The following EIF4G2 variants were observed in gnomAD, a reference collection of about 807,000 sequenced individuals.
EIF4G2 encodes the protein DAP-5.
EIF4G2 carries 8 observed loss-of-function variants against 117.7 expected under a neutral mutation model. The ratio of observed to expected loss-of-function variants is 0.07; its 90% CI spans 0.04 to 0.12. The LOEUF is 0.12. EIF4G2 is among the 10% of genes least tolerant of loss of function. The pLI, the probability that EIF4G2 is intolerant of heterozygous loss-of-function variation, is 1.00. For synonymous variants in EIF4G2, 413 were observed against 367.8 expected (o/e 1.12, Z -1.41); for missense variants, 812 against 1,086.2 (o/e 0.75, Z 3.55).
Position 10,806,904 on chromosome 11 carries a change from T to A in EIF4G2, c.42-19A>T. On this transcript the variant is annotated intron_variant, in intron 2 of 21. Transcript: ENST00000339995. ...AGAAGCACTATTTAAAAGAAAAAAA[T>A]TGTTTACTGTATCCCAACTATGTCT... The A allele has an allele frequency of 1.2e-6, 2 of 1,612,114 alleles. No individual in the cohort carries two copies. The highest frequency in any genetic ancestry group is 4.5e-5 in the East Asian group (2 of 44,820).
intron 4 of EIF4G2, 32 bp downstream of exon 4, chr11:10,805,875 C>G: frequency 1.7e-5 from 28 of 1,614,104 alleles, no homozygotes; most frequent in Non-Finnish European, 2.3e-5. Flanking sequence ...CCACACTTCC[C>G]ATCTTTTAGT....
chr11:10,807,328 G>A lies in EIF4G2; in HGVS notation c.-33C>T. The A allele has an allele frequency of 2.2e-6, 3 of 1,387,756 alleles. No individual in the cohort carries two copies. The highest frequency in any genetic ancestry group is 2.9e-6 in the Non-Finnish European group (3 of 1,019,822). The allele number at this position is 1,387,756 out of a possible 1,614,324, so 86.0% of individuals were successfully genotyped here. On this transcript the variant is annotated 5_prime_UTR_variant, in exon 2 of 22. Transcript: ENST00000339995. ...GCTTGACAACGAAGAATCTTCAAAA[G>A]AATAATATTAATAGATGGGGTGGGG...
intron 20 of EIF4G2, 29 bp downstream of exon 20, chr11:10,799,184 C>G (rs373416061): frequency 3.1e-6 from 5 of 1,612,518 alleles, no homozygotes; most frequent in Non-Finnish European, 4.2e-6. Flanking sequence ...AACTTCCTCA[C>G]GCCGTTCTTC....
Position 10,807,362 on chromosome 11 carries a change from G to C in EIF4G2, c.-67C>G. On this transcript the variant is annotated 5_prime_UTR_variant, in exon 2 of 22. Transcript: ENST00000339995. ...TAATAGATGGGGTGGGGAGGGGAGG[G>C]GACAGGAGAAATGAAATACCTGGAA... The C allele has an allele frequency of 6.2e-7, 1 of 1,605,450 alleles. No individual in the cohort carries two copies. The highest frequency in any genetic ancestry group is 8.5e-7 in the Non-Finnish European group (1 of 1,178,248).
At chr11:10,808,541 A>T in intron 1 of EIF4G2, 164 bp downstream of exon 1, 1 of 1,160,794 alleles carries the variant, frequency 8.6e-7, no homozygotes, top group Non-Finnish European at 1.1e-6. Flanking sequence ...AGAGAACAAA[A>T]GCCAAGACTT....
rs1261185205 is a variant in EIF4G2, at chr11:10,801,003, T to C, written c.1498A>G (p.Ser500Gly). 1 of 1,614,208 alleles carries C rather than the reference T, an allele frequency of 6.2e-7. No homozygotes were observed. The highest frequency in any genetic ancestry group is 8.5e-7 in the Non-Finnish European group (1 of 1,180,016). Reference sequence around the variant, plus strand: ...GTTTGAGTGCGTGGTGGTTGTGCACTAGGAGGAATCATAGTTATCTGGGGC... The same window carrying C: ...GTTTGAGTGCGTGGTGGTTGTGCACCAGGAGGAATCATAGTTATCTGGGGC... Residue 500 changes from serine (S) to glycine (G), a missense_variant, in exon 15 of 22, where the codon AGT becomes GGT. Transcript: ENST00000339995.
intron 3 of EIF4G2, chr11:10,806,501 T>C (rs1416726663): frequency 2.9e-6 from 1 of 347,316 alleles, no homozygotes; most frequent in Non-Finnish European, 5.3e-6. Context: ...CTTTCTAATG[T>C]TTTATTGACC....
At chr11:10,802,998 T>A (rs1477361600) in intron 11 of EIF4G2, 32 bp downstream of exon 11, 1 of 1,594,120 alleles carries the variant, frequency 6.3e-7, no homozygotes, top group South Asian at 1.1e-5. Flanking sequence ...ACACAGAGTC[T>A]ATGTGACAAA....
At position 10,803,617 on chromosome 11, in the gene EIF4G2, A is replaced by G. The variant is rs376221635; in HGVS notation, c.703-27T>C. The G allele has an allele frequency of 2.8e-5, 45 of 1,585,098 alleles. 6 individuals carry two copies. The South Asian group carries it at 4.6e-4, about 16-fold the overall frequency. ...TACAAGAATAAAAGGCCATGGTGAC[A>G]AAGTTTTAGTTACTCTGGTTTAGGC... On this transcript the variant is annotated intron_variant, in intron 8 of 21. Coordinates refer to ENST00000339995, the MANE Select transcript of EIF4G2 (RefSeq NM_001418.4). This position sits in a 1 kb window ranked among gnomAD's most constrained non-coding sequence, Gnocchi z 4.0.
chr11:10,804,299 C>A lies in EIF4G2; in HGVS notation c.471G>T (p.Gln157His). ...AACTACCACTTACGGTGCTTTGCTT[C>A]TGTCCTGGTTGACCCTCTGCTGCTG... The change falls in exon 6 of 22, where the codon CAG (glutamine) becomes CAT (histidine). Residue 157 changes from glutamine to histidine, a missense_variant. Gln to His is a conservative substitution (Grantham distance 24, BLOSUM62 0). Around this residue, in one of 4 missense-constraint regions of EIF4G2, gnomAD observed 154 missense variants for 322.1 expected, o/e 0.48. Transcript: ENST00000339995. 2 of 1,613,938 alleles carry A rather than the reference C, an allele frequency of 1.2e-6. No individual in the cohort carries two copies. Among genetic ancestry groups the A allele is most frequent in the South Asian group, 2.2e-5 (2 of 91,064 alleles).
chr11:10,805,391 C>A (rs1415505337), intron 4 of EIF4G2, among the ~76,000 whole-genome samples: 2 of 152,248 alleles, frequency 1.3e-5, no homozygotes, highest in South Asian at 4.1e-4. Context: ...TTATGGATTG[C>A]AATCCAATGG....
At chr11:10,806,106 A>C in intron 3 of EIF4G2, 59 bp from the exon 4 acceptor site, 1 of 1,607,066 alleles carries the variant, frequency 6.2e-7, no homozygotes, top group Non-Finnish European at 8.5e-7. Flanking sequence ...TAAACATCAT[A>C]AATTCTCTTA....
chr11:10,801,464 G>T (rs754962999), intron 14 of EIF4G2, 197 bp downstream of exon 14: 1 of 737,994 alleles, frequency 1.4e-6, no homozygotes. Context: ...GACTTTAGGA[G>T]ACTTGCCCTC....
Position 10,800,454 on chromosome 11 carries a change from G to A in EIF4G2, c.1838C>T (p.Ala613Val), listed in dbSNP as rs1847385801. Residue 613 changes from alanine (A) to valine (V), a missense_variant, in exon 17 of 22, where the codon GCC (alanine) becomes GTC (valine). Transcript: ENST00000339995. Reference sequence around the variant, plus strand: ...TACCTGCATGAAGTTGTCACTTGTGGCTATCCCTTCCTGTTTGAGTAAACT... The same window carrying A: ...TACCTGCATGAAGTTGTCACTTGTGACTATCCCTTCCTGTTTGAGTAAACT... 6.2e-7 allele frequency: 1 copy of A among 1,614,002 alleles called. No homozygotes were observed. The highest frequency in any genetic ancestry group is 1.7e-5 in the Admixed American group (1 of 60,002).
chr11:10,802,990 A>G, intron 11 of EIF4G2, 40 bp downstream of exon 11: 1 of 1,583,204 alleles, frequency 6.3e-7, no homozygotes, highest in Non-Finnish European at 8.6e-7. Context: ...TTCTACACAC[A>G]CAGAGTCTAT....
rs1847357456 is a variant in EIF4G2, at chr11:10,799,434, A to C, written c.2325-10T>G. 1.2e-6 allele frequency: 2 copies of C among 1,611,652 alleles called. No individual in the cohort carries two copies. Among genetic ancestry groups the C allele is most frequent in the Non-Finnish European group, 1.7e-6 (2 of 1,179,930 alleles). On this transcript the variant is annotated splice_polypyrimidine_tract_variant and intron_variant, in intron 19 of 21. Coordinates refer to ENST00000339995, the MANE Select transcript of EIF4G2 (RefSeq NM_001418.4). ...AATGTACTGTAAGAAGCTGGACAGAAAGAGGTCTTGTTAGAACCCAACAGT... is the reference window on the plus strand; with the variant it reads ...AATGTACTGTAAGAAGCTGGACAGACAGAGGTCTTGTTAGAACCCAACAGT...
At chr11:10,806,487 A>G in intron 3 of EIF4G2, 1 of 332,936 alleles carries the variant, frequency 3.0e-6, no homozygotes, top group Non-Finnish European at 5.6e-6. Flanking sequence ...GCTGCCAATA[A>G]ACACTTTCTA....
intron 21 of EIF4G2, 120 bp from the exon 22 acceptor site, chr11:10,798,001 T>C (rs1395584674): frequency 7.0e-6 from 6 of 855,660 alleles, no homozygotes; most frequent in Middle Eastern, 3.2e-4. Context: ...TACCAACAAT[T>C]TGTATATTAA....
At chr11:10,801,373 G>A (rs1847411495) in intron 14 of EIF4G2, 1 of 616,424 alleles carries the variant, frequency 1.6e-6, no homozygotes, top group Non-Finnish European at 2.8e-6. Context: ...TTTAGAAAAT[G>A]CCCTGTTTTA....
Sources: gnomAD v4.1 joint callset for allele counts (sites outside exome capture counted in the v4.1 genomes callset) on GRCh38, gnomAD v4.1.1 for gene constraint, gnomAD v4.1.1 regional missense constraint, Gnocchi (gnomAD v3.1) non-coding constraint, MANE v1.5 for transcripts, NCBI Gene and HGNC (gene_info 2026-07-23, HGNC 2026-07-21) for gene names.